KIRREL3: variants seen among roughly 807,000 people sequenced by gnomAD.
The protein encoded by KIRREL3 is kin of IRRE-like protein 3.
KIRREL3 carries 36 observed loss-of-function variants against 89.7 expected under a neutral mutation model. The observed-to-expected ratio is 0.40, with a 90% CI of 0.31 to 0.53. The LOEUF (loss-of-function observed/expected upper bound fraction) is 0.53, where lower values mean the gene tolerates loss of function less well. KIRREL3 is among the 20% of genes least tolerant of loss of function. KIRREL3 has a pLI of 0.49. For missense variants in KIRREL3, 864 were observed against 1,056.6 expected (o/e 0.82, Z 2.53); for synonymous variants, 445 against 441.4 (o/e 1.01, Z -0.10).
At chr11:126,447,106 G>A (rs1955849242) in intron 8 of KIRREL3, among the ~76,000 whole-genome samples, 1 of 152,242 alleles carries the variant, frequency 6.6e-6, no homozygotes, top group African/African-American at 2.4e-5. Flanking sequence ...TCTCCCTGAG[G>A]CTTCGCCTCT....
chr11:126,905,798 G>A lies in KIRREL3; in HGVS notation c.55+94657C>T, dbSNP rs1171191311. ...CTGCCAGTTCGGGCGGATGCCTAAC[G>A]AGCACACTGGGGAGAGCCTCCAGTG... On this transcript the variant is annotated intron_variant, in intron 1 of 16. Transcript: ENST00000525144. The surrounding 1 kb of genome is among the most constrained non-coding windows in gnomAD (Gnocchi z 5.0). 2.0e-5 allele frequency among the ~76,000 whole-genome samples: 3 copies of A among 152,140 alleles called. No homozygotes were observed. The highest frequency in any genetic ancestry group is 2.1e-4 in the South Asian group (1 of 4,824).
rs2134951621 is a variant in KIRREL3 at position 126,917,460 on chromosome 11, T to C, written c.55+82995A>G. On this transcript the variant is annotated intron_variant, in intron 1 of 16. Transcript: ENST00000525144. This position sits in a 1 kb window ranked among gnomAD's most constrained non-coding sequence, Gnocchi z 5.0. ...AGTGGTTAAAATGTCAAATTTCATG[T>C]TGTATATATTTTACCACAATAAAAA... Among the ~76,000 whole-genome samples, 1 of 152,122 alleles carries C rather than the reference T, an allele frequency of 6.6e-6. No individual in the cohort carries two copies. The highest frequency in any genetic ancestry group is 2.1e-4 in the South Asian group (1 of 4,810).
At position 126,605,465 on chromosome 11, in the gene KIRREL3, G is replaced by A. The variant is rs1452511990; in HGVS notation, c.56-42553C>T. 6.6e-6 allele frequency among the ~76,000 whole-genome samples: 1 copy of A among 152,132 alleles called. No homozygotes were observed. The highest frequency in any genetic ancestry group is 2.4e-5 in the African/African-American group (1 of 41,432). Reference sequence around the variant, plus strand: ...TGAAGTGGTGTGGGGGCTCAGGATGGGACCTACTTCATGGGACATGATGGA... The same window carrying A: ...TGAAGTGGTGTGGGGGCTCAGGATGAGACCTACTTCATGGGACATGATGGA... On this transcript the variant is annotated intron_variant, in intron 1 of 16. Transcript: ENST00000525144. The surrounding 1 kb of genome is among the most constrained non-coding windows in gnomAD (Gnocchi z 5.7).
At chr11:126,695,806 T>C (rs551208339) in intron 1 of KIRREL3, among the ~76,000 whole-genome samples, 1 of 152,302 alleles carries the variant, frequency 6.6e-6, no homozygotes, top group African/African-American at 2.4e-5. Context: ...CCTTTTCCCA[T>C]GAAGACAAGC....
In KIRREL3 at chr11:126,905,607, A is replaced by T. The variant is rs1264950651; in HGVS notation, c.55+94848T>A. The stretch of plus-strand genomic sequence containing the variant: ...GCTTGTGACCCACAAGAGCATTGCA[A>T]GCCTCATCCTGCACAGTGGCTTGGT... On this transcript the variant is annotated intron_variant, in intron 1 of 16. Transcript: ENST00000525144. This position sits in a 1 kb window ranked among gnomAD's most constrained non-coding sequence, Gnocchi z 5.0. Among the ~76,000 whole-genome samples the T allele has an allele frequency of 6.6e-6, 1 of 152,092 alleles. No individual in the cohort carries two copies. The highest frequency in any genetic ancestry group is 6.5e-5 in the Admixed American group (1 of 15,270).
At chr11:126,577,349 GA>G (rs1941307704) in intron 1 of KIRREL3, among the ~76,000 whole-genome samples, 1 of 152,040 alleles carries the variant, frequency 6.6e-6, no homozygotes, top group Non-Finnish European at 1.5e-5. Context: ...AAAACCCAGG[GA>G]ATACCAGGTC....
intron 1 of KIRREL3, among the ~76,000 whole-genome samples, chr11:126,966,535 C>T (rs570954075): frequency 4.1e-4 from 63 of 152,204 alleles, no homozygotes; most frequent in Non-Finnish European, 7.9e-4. Context: ...CACTTTAGGC[C>T]GCAGAACCGT....
intron 1 of KIRREL3, among the ~76,000 whole-genome samples, chr11:126,777,207 AG>A (rs1470271686): frequency 6.6e-6 from 1 of 152,204 alleles, no homozygotes; most frequent in East Asian, 1.9e-4. Flanking sequence ...GAATGCAGCA[AG>A]GAAAGGCCAG....
Position 126,921,682 on chromosome 11 carries a change from A to G in KIRREL3, c.55+78773T>C, listed in dbSNP as rs774537918. Among the ~76,000 whole-genome samples the G allele has an allele frequency of 2.0e-5, 3 of 147,362 alleles. No individual in the cohort carries two copies. The Admixed American group carries it at 2.0e-4, about 10-fold the overall frequency. On this transcript the variant is annotated intron_variant, in intron 1 of 16. Coordinates refer to ENST00000525144, the MANE Select transcript of KIRREL3 (RefSeq NM_032531.4). The stretch of plus-strand genomic sequence containing the variant: ...TCTATCTATTATCTATCTGTAATCT[A>G]TCTATCTGTCTGTCTTTCTTTCTTT...
chr11:126,542,945 C>G (rs1399336598), intron 2 of KIRREL3, among the ~76,000 whole-genome samples: 1 of 152,176 alleles, frequency 6.6e-6, no homozygotes, highest in Non-Finnish European at 1.5e-5. Context: ...ACAACTAACT[C>G]CGATACAAAG....
intron 11 of KIRREL3, among the ~76,000 whole-genome samples, chr11:126,438,867 C>T (rs531967229): frequency 3.9e-5 from 6 of 152,178 alleles, no homozygotes; most frequent in East Asian, 3.9e-4. Flanking sequence ...TCTCAGCCCC[C>T]GCATGCACGG....
In KIRREL3 at chr11:126,551,376, G is replaced by C. The variant is rs764554091; in HGVS notation, c.133+11459C>G. ...GGGCCGGAGAGAGATCCTGTTTCCC[G>C]AGGCCTGCCCCTGAGGCCTAACACA... On this transcript the variant is annotated intron_variant, in intron 2 of 16. Coordinates refer to ENST00000525144, the MANE Select transcript of KIRREL3 (RefSeq NM_032531.4). This position sits in a 1 kb window ranked among gnomAD's most constrained non-coding sequence, Gnocchi z 4.9. Among the ~76,000 whole-genome samples the C allele has an allele frequency of 2.6e-5, 4 of 152,120 alleles. No individual in the cohort carries two copies. The highest frequency in any genetic ancestry group is 9.7e-5 in the African/African-American group (4 of 41,428).
rs145240868 is a variant in KIRREL3 at position 126,631,707 on chromosome 11, C to T, written c.56-68795G>A. 1.8e-3 allele frequency among the ~76,000 whole-genome samples: 270 copies of T among 152,312 alleles called. 1 individual carries two copies. The Middle Eastern group carries it at 0.02, about 12-fold the overall frequency. ...TAACAATCCTTTACTTTTGTTAGCA[C>T]TTTGTAGCTTTCAAAGCAGTTTCAA... On this transcript the variant is annotated intron_variant, in intron 1 of 16. Coordinates refer to ENST00000525144, the MANE Select transcript of KIRREL3 (RefSeq NM_032531.4).
intron 6 of KIRREL3, among the ~76,000 whole-genome samples, chr11:126,460,942 GA>G: frequency 6.6e-6 from 1 of 152,360 alleles, no homozygotes; most frequent in South Asian, 2.1e-4. Context: ...ACAGGCTGGG[GA>G]AGAAGCGAGG....
rs577960999 is a variant in KIRREL3, at chr11:126,654,711, G to T, written c.56-91799C>A. Among the ~76,000 whole-genome samples, 5 of 152,290 alleles carry T rather than the reference G, an allele frequency of 3.3e-5. No homozygotes were observed. The East Asian group carries it at 7.7e-4, about 23-fold the overall frequency. ...AACCACACAGCCGACATCGTGAGAG[G>T]TCTGAGCCCCTCAGACTCTTGAAGG... On this transcript the variant is annotated intron_variant, in intron 1 of 16. Transcript: ENST00000525144.
chr11:126,857,296 C>T (rs1488283321), intron 1 of KIRREL3, among the ~76,000 whole-genome samples: 1 of 152,244 alleles, frequency 6.6e-6, no homozygotes, highest in East Asian at 1.9e-4. Context: ...CTGTCTGCTG[C>T]CCTTGGGCCA....
At chr11:126,460,492 G>A (rs1004280403) in intron 6 of KIRREL3, among the ~76,000 whole-genome samples, 2 of 152,230 alleles carry the variant, frequency 1.3e-5, no homozygotes, top group African/African-American at 4.8e-5. Context: ...GTTCAAAGCA[G>A]GAAGAATGCT....
intron 1 of KIRREL3, among the ~76,000 whole-genome samples, chr11:126,840,095 A>G (rs1057369069): frequency 2.6e-5 from 4 of 152,190 alleles, no homozygotes; most frequent in Admixed American, 2.6e-4. Flanking sequence ...ATTAAGTTAT[A>G]TGGGTGTCTC....
rs1477637408 is a variant in KIRREL3 at position 126,568,021 on chromosome 11, A to T, written c.56-5109T>A. Among the ~76,000 whole-genome samples, 1 of 152,042 alleles carries T rather than the reference A, an allele frequency of 6.6e-6. No individual in the cohort carries two copies. Among genetic ancestry groups the T allele is most frequent in the African/African-American group, 2.4e-5 (1 of 41,426 alleles). ...GCTTGCTGAAGACTAACCCCTTCCC[A>T]CCTGAAGCTAGTAGACTCGAGCACG... is the stretch of plus-strand genomic sequence containing the variant. On this transcript the variant is annotated intron_variant, in intron 1 of 16. Coordinates refer to ENST00000525144, the MANE Select transcript of KIRREL3 (RefSeq NM_032531.4). The surrounding 1 kb of genome is among the most constrained non-coding windows in gnomAD (Gnocchi z 4.6).
Sources: gnomAD v4.1 joint callset for allele counts (sites outside exome capture counted in the v4.1 genomes callset) on GRCh38, gnomAD v4.1.1 for gene constraint, Gnocchi (gnomAD v3.1) non-coding constraint, MANE v1.5 for transcripts, NCBI Gene and HGNC (gene_info 2026-07-23, HGNC 2026-07-21) for gene names.